Variants in DBNDD2 observed in about 807,000 individuals in gnomAD.
DBNDD2 encodes the protein dysbindin domain containing 2.
In DBNDD2, 8 loss-of-function variants were observed where a neutral mutation model predicts 14.0. The observed-to-expected ratio is 0.57, with a 90% CI of 0.33 to 1.03. DBNDD2 has a LOEUF of 1.03. Among genes scored for constraint, DBNDD2 ranks in the 50% least tolerant of loss-of-function variants. The pLI, the probability that DBNDD2 is intolerant of heterozygous loss-of-function variation, is 0.03. For missense variants in DBNDD2, 194 were observed against 206.0 expected, an observed-to-expected ratio of 0.94 and a Z score of 0.36; for synonymous variants, 94 against 85.3, an observed-to-expected ratio of 1.10 and a Z score of -0.56.
At chr20:45,406,566 C>G (rs774496791), upstream of DBNDD2, 159 of 1,489,658 alleles carry the variant, frequency 1.1e-4, 1 homozygote, top group Admixed American at 2.8e-3. Context: ...GCCCCTCCCC[C>G]ACTTCCGCCT....
upstream of DBNDD2, chr20:45,407,669 G>A (rs2145413083): frequency 1.0e-6 from 1 of 991,342 alleles, no homozygotes; most frequent in South Asian, 4.6e-5. Flanking sequence ...AGATAAGTCA[G>A]TGAGATGTGT....
Position 45,410,400 on chromosome 20 carries a change from T to C in DBNDD2, c.*260T>C. ...GCAAATGAGGAGAGAGAAGATGAGG[T>C]TGGACAAGATGCCACTGCTTTTCTT... On this transcript the variant is annotated 3_prime_UTR_variant, in exon 3 of 3. Transcript: ENST00000372710. 2.1e-6 allele frequency: 1 copy of C among 483,974 alleles called. No individual in the cohort carries two copies. Among genetic ancestry groups the C allele is most frequent in the Non-Finnish European group, 3.8e-6 (1 of 264,354 alleles). 30.0% of individuals were successfully genotyped at this position (483,974 alleles called of 1,614,324 possible).
At chr20:45,407,951 G>A, upstream of DBNDD2, 1 of 1,386,808 alleles carries the variant, frequency 7.2e-7, no homozygotes, top group Non-Finnish European at 9.3e-7. Flanking sequence ...GAGGGGCGCG[G>A]GAGGAGTTGC....
At chr20:45,406,244 G>A (rs1358535499), upstream of DBNDD2, 3 of 535,018 alleles carry the variant, frequency 5.6e-6, no homozygotes, top group African/African-American at 4.1e-5. Context: ...GGGTGCCGGA[G>A]GCAGGGTTCG....
rs201185742 is a variant in DBNDD2, at chr20:45,410,070, C to G, written c.416C>G (p.Thr139Arg). Reference sequence around the variant, plus strand: ...AATCCAAGTGATGATGGAGCAGATACGCCCTTGGCACAGTCGGATGAAGAG... The same window carrying G: ...AATCCAAGTGATGATGGAGCAGATAGGCCCTTGGCACAGTCGGATGAAGAG... ...SPNPSDDGADTPLAQSDEEEE... is the reference protein window; with the variant it reads ...SPNPSDDGADRPLAQSDEEEE... The change falls in exon 3 of 3, where the codon ACG (threonine) becomes AGG (arginine). Residue 139 changes from threonine (T) to arginine (R), a missense_variant. By Grantham distance (71) the Thr-to-Arg change is moderately conservative. Transcript: ENST00000372710. 1 of 1,555,020 alleles carries G rather than the reference C, an allele frequency of 6.4e-7. No individual in the cohort carries two copies.
intron 2 of DBNDD2, among the ~76,000 whole-genome samples, chr20:45,409,235 A>G (rs563345411): frequency 2.0e-5 from 3 of 152,202 alleles, no homozygotes; most frequent in Admixed American, 2.0e-4. Flanking sequence ...TGTAATTTTT[A>G]TATTTGGCAA....
upstream of DBNDD2, chr20:45,407,656 G>A: frequency 1.0e-6 from 1 of 990,468 alleles, no homozygotes; most frequent in Non-Finnish European, 1.2e-6. Context: ...CTGACTAATG[G>A]GGAGATAAGT....
intron 2 of DBNDD2, 26 bp from the exon 3 acceptor site, chr20:45,409,906 C>A: frequency 6.4e-7 from 1 of 1,550,928 alleles, no homozygotes; most frequent in Non-Finnish European, 8.7e-7. Flanking sequence ...CTGTTTGTGG[C>A]CTGACCAGCT....
upstream of DBNDD2, chr20:45,406,498 C>G (rs1394579358): frequency 2.6e-6 from 4 of 1,527,132 alleles, 1 homozygote; most frequent in Admixed American, 8.1e-5. Flanking sequence ...CCAGTAGCCG[C>G]GCTCGCAGGG....
At chr20:45,407,828 T>G, upstream of DBNDD2, 4 of 1,074,578 alleles carry the variant, frequency 3.7e-6, no homozygotes, top group African/African-American at 3.3e-5. Flanking sequence ...ACCAGAAAGG[T>G]GATTTCCTTA....
chr20:45,406,509 G>C, upstream of DBNDD2: 1 of 1,526,032 alleles, frequency 6.6e-7, no homozygotes, highest in Non-Finnish European at 8.8e-7. Flanking sequence ...GCTCGCAGGG[G>C]CTGCCTCCGA....
In DBNDD2 at chr20:45,408,387, G is replaced by A. The variant is rs767159514; in HGVS notation, c.-81G>A. 43 of 1,613,360 alleles carry A rather than the reference G, an allele frequency of 2.7e-5. No individual in the cohort carries two copies. The highest frequency in any genetic ancestry group is 3.5e-5 in the Non-Finnish European group (41 of 1,179,910). ...GTTGGGATGCTGGCTGCAGTGGGGC[G>A]CCCCAAGCCCAGGTCCCCTCTGTCT... is the stretch of plus-strand genomic sequence containing the variant. On this transcript the variant is annotated 5_prime_UTR_variant, in exon 1 of 3. Transcript: ENST00000372710.
In DBNDD2 at chr20:45,408,517, G is replaced by A. The variant is rs370599286; in HGVS notation, c.50G>A (p.Arg17Gln). The change falls in exon 1 of 3, where the codon CGG becomes CAG. Residue 17 changes from arginine to glutamine, a missense_variant. Physicochemically the swap from Arg to Gln is conservative, Grantham distance 43. Transcript: ENST00000372710. ...AALERQQLRL[R>Q]ERQKFFEDIL... ...CTGGAGCGCCAGCAGCTCCGCCTTC[G>A]GGAGCGGCAAAAATTCTTCGAGGAC... 1.1e-5 allele frequency: 18 copies of A among 1,614,120 alleles called. No homozygotes were observed. The African/African-American group carries it at 1.2e-4, about 11-fold the overall frequency.
At chr20:45,406,430 C>A, upstream of DBNDD2, 1 of 1,520,170 alleles carries the variant, frequency 6.6e-7, no homozygotes, top group Non-Finnish European at 8.8e-7. Context: ...CAGAGGAGTC[C>A]GGCTGGGCGG....
In DBNDD2 at chr20:45,408,421, G is replaced by A. The variant is rs1414239888; in HGVS notation, c.-47G>A. 1.2e-6 allele frequency: 2 copies of A among 1,614,166 alleles called. No individual in the cohort carries two copies. Among genetic ancestry groups the A allele is most frequent in the East Asian group, 2.2e-5 (1 of 44,870 alleles). On this transcript the variant is annotated 5_prime_UTR_variant, in exon 1 of 3. Coordinates refer to ENST00000372710, the MANE Select transcript of DBNDD2 (RefSeq NM_001048225.4). ...CCAGGTCCCCTCTGTCTTCTCTTTC[G>A]ACTTTGCAGCTGTACTTGTTTTGCT...
chr20:45,406,683 G>C (rs577717281), upstream of DBNDD2: 174 of 1,334,686 alleles, frequency 1.3e-4, no homozygotes, highest in African/African-American at 2.5e-3. Context: ...CCCCCGCCGC[G>C]GCCTCGCTGG....
chr20:45,409,475 C>G (rs1989712865), intron 2 of DBNDD2, among the ~76,000 whole-genome samples: 1 of 152,180 alleles, frequency 6.6e-6, no homozygotes, highest in Non-Finnish European at 1.5e-5. Context: ...GACTCCAAAG[C>G]CCATATGCTT....
upstream of DBNDD2, chr20:45,407,083 T>G: frequency 5.9e-6 from 1 of 169,854 alleles, no homozygotes; most frequent in African/African-American, 2.4e-5. Context: ...ATCGGTGGGG[T>G]TAGGGGGAGG....
upstream of DBNDD2, chr20:45,407,437 C>T (rs959181357): frequency 5.1e-6 from 5 of 985,828 alleles, no homozygotes; most frequent in East Asian, 1.1e-4. Context: ...CGGAGGATGA[C>T]GTCTGATCCT....
Sources: gnomAD v4.1 joint callset for allele counts (sites outside exome capture counted in the v4.1 genomes callset) on GRCh38, gnomAD v4.1.1 for gene constraint, MANE v1.5 for transcripts, NCBI Gene and HGNC (gene_info 2026-07-23, HGNC 2026-07-21) for gene names.